Variants in MTAP observed in about 807,000 individuals in gnomAD.
The protein encoded by MTAP is methylthioadenosine phosphorylase.
A neutral mutation model predicts 33.6 loss-of-function variants in MTAP; 33 were observed. The ratio of observed to expected loss-of-function variants is 0.98; its 90% CI spans 0.74 to 1.31. The LOEUF is 1.31. Among genes scored for constraint, MTAP ranks in the 40% most tolerant of loss-of-function variants. The pLI, the probability that MTAP is intolerant of heterozygous loss-of-function variation, is 0.00. For missense variants in MTAP, 367 were observed against 360.0 expected (o/e 1.02, Z -0.16); for synonymous variants, 148 against 125.7 (o/e 1.18, Z -1.19).
chr9:21,838,180 C>T (rs12378675), intron 5 of MTAP, among the ~76,000 whole-genome samples, 170 bp downstream of exon 5: 5 of 152,166 alleles, frequency 3.3e-5, no homozygotes, highest in Non-Finnish European at 5.9e-5. Context: ...ATTTCCTGTT[C>T]CTCTGTTACT....
chr9:21,893,950 C>T (rs1448287546), intron 1 of MTAP: 1 of 150,980 alleles, frequency 6.6e-6, no homozygotes, highest in African/African-American at 2.5e-5. Context: ...CACACACACA[C>T]ACAGAAATTC....
chr9:21,804,980 G>A (rs945961834), intron 1 of MTAP, among the ~76,000 whole-genome samples: 7 of 152,190 alleles, frequency 4.6e-5, no homozygotes, highest in Admixed American at 4.6e-4. Flanking sequence ...CCATCTTGAA[G>A]AGGGAGGCAG....
At chr9:21,901,869 T>C (rs1818398368) in intron 1 of MTAP, among the ~76,000 whole-genome samples, 1 of 152,230 alleles carries the variant, frequency 6.6e-6, no homozygotes, top group African/African-American at 2.4e-5. Flanking sequence ...TTGTAGAGAT[T>C]ACTCTGTGTG....
At chr9:21,894,960 C>A (rs1818265155) in intron 1 of MTAP, among the ~76,000 whole-genome samples, 1 of 152,084 alleles carries the variant, frequency 6.6e-6, no homozygotes, top group Non-Finnish European at 1.5e-5. Context: ...CCTAGTAATA[C>A]AGCTAACCAA....
At chr9:21,861,654 A>G in intron 7 of MTAP, 1 of 282,164 alleles carries the variant, frequency 3.5e-6, no homozygotes, top group Non-Finnish European at 6.6e-6. Flanking sequence ...ACAGTGGGGT[A>G]AGGATAAGGG....
At chr9:21,803,955 A>T (rs1016212370) in intron 1 of MTAP, among the ~76,000 whole-genome samples, 3 of 152,194 alleles carry the variant, frequency 2.0e-5, no homozygotes, top group African/African-American at 7.2e-5. Flanking sequence ...CTTATATATG[A>T]AACTTATTTT....
At chr9:21,918,625 A>C (rs1405936676) in intron 1 of MTAP, among the ~76,000 whole-genome samples, 2 of 152,290 alleles carry the variant, frequency 1.3e-5, no homozygotes, top group African/African-American at 2.4e-5. Flanking sequence ...TAGCCCCAAT[A>C]ATCCCCACAT....
intron 1 of MTAP, among the ~76,000 whole-genome samples, chr9:21,885,641 C>T (rs1818095876): frequency 6.6e-6 from 1 of 152,088 alleles, no homozygotes; most frequent in Non-Finnish European, 1.5e-5. Context: ...ATCCTCGTGG[C>T]TTAGCTCTAA....
chr9:21,864,242 A>G lies in MTAP; in HGVS notation c.*2228A>G, dbSNP rs1825811743. 2 of 985,286 alleles carry G rather than the reference A, an allele frequency of 2.0e-6. No homozygotes were observed. The highest frequency in any genetic ancestry group is 1.7e-5 in the African/African-American group (1 of 57,234). 61.0% of individuals were successfully genotyped at this position (985,286 alleles called of 1,614,324 possible). On this transcript the variant is annotated 3_prime_UTR_variant, in exon 8 of 8. Transcript: ENST00000644715. The stretch of plus-strand genomic sequence containing the variant: ...CAGTATACTCTTTTCTTTGTTCTCA[A>G]TCATTCACTCCTTATGCAAAGCCAA...
At chr9:21,860,136 C>G (rs985527681) in intron 7 of MTAP, 1 of 152,146 alleles carries the variant, frequency 6.6e-6, no homozygotes, top group African/African-American at 2.4e-5. Context: ...AAAGGTTGAT[C>G]TAAGCCCTCC....
downstream of MTAP, chr9:21,933,329 C>A (rs1818992848): frequency 6.6e-6 from 1 of 152,172 alleles, no homozygotes; most frequent in South Asian, 2.1e-4. Context: ...CAAAGGAAGT[C>A]TCCATTTATA....
At position 21,866,245 on chromosome 9, in the gene MTAP, T is replaced by C. The variant is rs574228472; in HGVS notation, c.*4231T>C. 6.6e-6 allele frequency: 1 copy of C among 152,340 alleles called. No individual in the cohort carries two copies. Among genetic ancestry groups the C allele is most frequent in the East Asian group, 1.9e-4 (1 of 5,190 alleles). 9.4% of individuals were successfully genotyped at this position (152,340 alleles called of 1,614,324 possible). ...AAAAAATTAGATTGTTTTGTTTTAT[T>C]ATTGAATAGTAAGAATTGTTTATAT... On this transcript the variant is annotated 3_prime_UTR_variant, in exon 8 of 8. Coordinates refer to ENST00000644715, the MANE Select transcript of MTAP (RefSeq NM_002451.4).
At chr9:21,872,394 A>C (rs988579311) in intron 1 of MTAP, among the ~76,000 whole-genome samples, 1 of 152,186 alleles carries the variant, frequency 6.6e-6, no homozygotes, top group East Asian at 1.9e-4. Context: ...TTTTAAAGGA[A>C]GGCTACTTCC....
At chr9:21,831,403 C>T (rs1362917025) in intron 4 of MTAP, among the ~76,000 whole-genome samples, 1 of 152,052 alleles carries the variant, frequency 6.6e-6, no homozygotes, top group Non-Finnish European at 1.5e-5. Context: ...GTGGCCTGAT[C>T]GCAGCTCACT....
At chr9:21,888,195 A>G (rs1294219825) in intron 1 of MTAP, among the ~76,000 whole-genome samples, 1 of 152,122 alleles carries the variant, frequency 6.6e-6, no homozygotes, top group Admixed American at 6.6e-5. Context: ...TACTTGATAT[A>G]ATTTTGATTT....
intron 4 of MTAP, among the ~76,000 whole-genome samples, chr9:21,827,481 G>A (rs1050428640): frequency 1.4e-4 from 21 of 152,166 alleles, no homozygotes; most frequent in Admixed American, 1.4e-3. Context: ...CCATTCTGTA[G>A]GTCAGAAATG....
intron 6 of MTAP, among the ~76,000 whole-genome samples, chr9:21,855,761 T>C (rs1825628168): frequency 6.6e-6 from 1 of 152,130 alleles, no homozygotes; most frequent in Admixed American, 6.5e-5. Flanking sequence ...TATAATGAAT[T>C]CCAGGTACCC....
intron 4 of MTAP, among the ~76,000 whole-genome samples, chr9:21,820,843 C>A (rs1433740511): frequency 6.6e-6 from 1 of 152,154 alleles, no homozygotes; most frequent in Non-Finnish European, 1.5e-5. Flanking sequence ...TCCTTCACAA[C>A]CCTTGTAAGT....
chr9:21,842,631 C>T (rs10120029), intron 5 of MTAP, among the ~76,000 whole-genome samples: 3,371 of 152,270 alleles, frequency 0.022, 116 homozygotes, highest in African/African-American at 0.073. Flanking sequence ...AAATTATTCT[C>T]AGCCAAGAAT....
Sources: gnomAD v4.1 joint callset for allele counts (sites outside exome capture counted in the v4.1 genomes callset) on GRCh38, gnomAD v4.1.1 for gene constraint, MANE v1.5 for transcripts, NCBI Gene and HGNC (gene_info 2026-07-23, HGNC 2026-07-21) for gene names.